ELL: variants seen among roughly 807,000 people sequenced by gnomAD.
ELL encodes elongation factor for RNA polymerase II, also known as RNA polymerase II elongation factor ELL.
A neutral mutation model predicts 64.0 loss-of-function variants in ELL; 18 were observed. That is an observed-to-expected ratio of 0.28 (90% CI 0.19 to 0.42). The LOEUF is 0.42. Among genes scored for constraint, ELL ranks in the 10% least tolerant of loss-of-function variants. ELL has a pLI of 1.00. For missense variants in ELL, 797 were observed against 870.4 expected (o/e 0.92, Z 1.06); for synonymous variants, 399 against 376.2 (o/e 1.06, Z -0.70).
intron 1 of ELL, among the ~76,000 whole-genome samples, chr19:18,511,000 G>C (rs912927745): frequency 4.6e-5 from 7 of 152,210 alleles, no homozygotes; most frequent in African/African-American, 1.7e-4. Context: ...GGGTGCGGTG[G>C]CTCATGCCTG....
At chr19:18,507,138 A>G (rs1975899068) in intron 1 of ELL, among the ~76,000 whole-genome samples, 1 of 152,202 alleles carries the variant, frequency 6.6e-6, no homozygotes, top group South Asian at 2.1e-4. Flanking sequence ...CACTGGAACA[A>G]GCAGGCGTCT....
At chr19:18,461,542 C>A in intron 5 of ELL, 36 bp downstream of exon 5, 1 of 1,566,092 alleles carries the variant, frequency 6.4e-7, no homozygotes, top group Non-Finnish European at 8.6e-7. Context: ...TCTGCGGAGA[C>A]CACTGGTAAA....
intron 10 of ELL, among the ~76,000 whole-genome samples, chr19:18,445,717 T>C (rs1199630073): frequency 6.6e-6 from 1 of 152,058 alleles, no homozygotes; most frequent in Non-Finnish European, 1.5e-5. Context: ...CCCAGCCCTG[T>C]AGTCAGGTCA....
At chr19:18,451,429 G>A (rs113489498) in intron 7 of ELL, 123 bp downstream of exon 7, 7 of 927,482 alleles carry the variant, frequency 7.5e-6, no homozygotes, top group East Asian at 3.2e-5. Context: ...GCGGAGGGAG[G>A]CGGCTCAACT....
At chr19:18,471,147 A>G (rs547603908) in intron 2 of ELL, 57 of 374,840 alleles carry the variant, frequency 1.5e-4, no homozygotes, top group African/African-American at 1.1e-3. Context: ...CCAAGGTGGG[A>G]AGATCATTTG....
At chr19:18,471,116 T>A in intron 2 of ELL, 1 of 402,566 alleles carries the variant, frequency 2.5e-6, no homozygotes, top group South Asian at 1.8e-5. Context: ...CTCACACCTG[T>A]AATTCTAGCA....
chr19:18,485,334 T>C (rs1402942035), intron 1 of ELL, among the ~76,000 whole-genome samples: 1 of 152,154 alleles, frequency 6.6e-6, no homozygotes, highest in East Asian at 1.9e-4. Flanking sequence ...ACCTCACTTT[T>C]GGGCCTTCCA....
chr19:18,456,780 C>T (rs1181501562), intron 6 of ELL, among the ~76,000 whole-genome samples: 1 of 152,110 alleles, frequency 6.6e-6, no homozygotes, highest in Non-Finnish European at 1.5e-5. Context: ...GCTGGGGAGG[C>T]TCCTGCAGTG....
chr19:18,512,826 G>C (rs142564225), intron 1 of ELL, among the ~76,000 whole-genome samples: 1 of 152,102 alleles, frequency 6.6e-6, no homozygotes, highest in Non-Finnish European at 1.5e-5. Flanking sequence ...CAGCAGCCTG[G>C]AGCCCCAAAT....
chr19:18,460,545 A>G (rs1333486939), intron 5 of ELL, among the ~76,000 whole-genome samples: 1 of 152,180 alleles, frequency 6.6e-6, no homozygotes, highest in Non-Finnish European at 1.5e-5. Context: ...TGCCAGCCCT[A>G]GCCTTGGGAG....
chr19:18,459,446 TG>T (rs1264150586), intron 5 of ELL, among the ~76,000 whole-genome samples: 1 of 152,176 alleles, frequency 6.6e-6, no homozygotes, highest in Non-Finnish European at 1.5e-5. Context: ...GTCTCCATCT[TG>T]CTGCAGGCAT....
chr19:18,446,330 G>A lies in ELL; in HGVS notation c.1683C>T (p.Ser561=), dbSNP rs753665426. Residue 561 remains serine (S), a synonymous_variant, in exon 10 of 12, where the codon TCC becomes TCT. Transcript: ENST00000262809. ...CTACCTCATACTCCTCGGAGCCCTG[G>A]GAGAGCTGCCGGAGCTGGGCGTCGA... is the stretch of plus-strand genomic sequence containing the variant. ...TQLDAQLRQL[S]QGSEEYETTR... is the part of the protein sequence containing the mutation. 3 of 1,595,266 alleles carry A rather than the reference G, an allele frequency of 1.9e-6. No individual in the cohort carries two copies. Among genetic ancestry groups the A allele is most frequent in the South Asian group, 2.3e-5 (2 of 88,444 alleles).
chr19:18,490,342 T>C (rs1975501852), intron 1 of ELL, among the ~76,000 whole-genome samples: 1 of 152,152 alleles, frequency 6.6e-6, no homozygotes, highest in African/African-American at 2.4e-5. Flanking sequence ...AAAATACTCT[T>C]CTGGGCCGAC....
rs200949318 is a variant in ELL at position 18,450,518 on chromosome 19, G to A, written c.1424C>T (p.Pro475Leu). 7.4e-6 allele frequency: 12 copies of A among 1,613,264 alleles called. No individual in the cohort carries two copies. The South Asian group carries it at 1.1e-4, about 15-fold the overall frequency. ...KPRAQLPDCA[P>L]ATHATPGAPA... Reference sequence around the variant, plus strand: ...GGCTCCGGGGGTGGCATGGGTGGCAGGTGCACAGTCTGGAAGCTGGGCCCG... The same window carrying A: ...GGCTCCGGGGGTGGCATGGGTGGCAAGTGCACAGTCTGGAAGCTGGGCCCG... Residue 475 changes from proline (P) to leucine (L), a missense_variant, in exon 8 of 12, where the codon CCT becomes CTT. Coordinates refer to ENST00000262809, the MANE Select transcript of ELL (RefSeq NM_006532.4).
chr19:18,451,679 G>A, intron 6 of ELL, 31 bp from the exon 7 acceptor site: 2 of 1,465,660 alleles, frequency 1.4e-6, no homozygotes, highest in South Asian at 2.7e-5. Context: ...TAGGTCAGAA[G>A]GTGCTGAGGG....
At chr19:18,454,674 C>A (rs1011374270) in intron 6 of ELL, among the ~76,000 whole-genome samples, 2 of 149,510 alleles carry the variant, frequency 1.3e-5, no homozygotes, top group Admixed American at 6.7e-5. Context: ...AACCCTGTCT[C>A]TACTTAAAAA....
intron 6 of ELL, among the ~76,000 whole-genome samples, chr19:18,453,161 T>C (rs1205974490): frequency 6.6e-6 from 1 of 152,040 alleles, no homozygotes; most frequent in Non-Finnish European, 1.5e-5. Context: ...GTAACCTCAA[T>C]TACTTGGGAG....
chr19:18,456,026 G>A (rs1974665781), intron 6 of ELL, among the ~76,000 whole-genome samples: 3 of 151,742 alleles, frequency 2.0e-5, no homozygotes, highest in African/African-American at 7.3e-5. Context: ...GAACCCAGGA[G>A]ACGGACGTTG....
intron 1 of ELL, among the ~76,000 whole-genome samples, chr19:18,511,844 C>A (rs547922745): frequency 2.7e-5 from 4 of 150,898 alleles, no homozygotes; most frequent in African/African-American, 9.7e-5. Context: ...CACAGTGAGA[C>A]CCTGCCTCTA....
Sources: gnomAD v4.1 joint callset for allele counts (sites outside exome capture counted in the v4.1 genomes callset) on GRCh38, gnomAD v4.1.1 for gene constraint, MANE v1.5 for transcripts, NCBI Gene and HGNC (gene_info 2026-07-23, HGNC 2026-07-21) for gene names.